RHBDF1: variants seen among roughly 807,000 people sequenced by gnomAD.
The protein encoded by RHBDF1 is inactive rhomboid protein 1.
A neutral mutation model predicts 98.6 loss-of-function variants in RHBDF1; 80 were observed. That is an observed-to-expected ratio of 0.81 (90% CI 0.68 to 0.98). The LOEUF (loss-of-function observed/expected upper bound fraction) is 0.98, where lower values mean the gene tolerates loss of function less well. Ranked by LOEUF, RHBDF1 falls within the 50% of genes least tolerant of loss-of-function variation. The pLI is 0.00. For synonymous variants in RHBDF1, 512 were observed against 486.8 expected (o/e 1.05, Z -0.68); for missense variants, 1,116 against 1,198.3 (o/e 0.93, Z 1.01).
chr16:59,538 G>A (rs1897525611), intron 14 of RHBDF1, 44 bp from the exon 15 acceptor site: 3 of 1,583,500 alleles, frequency 1.9e-6, no homozygotes, highest in South Asian at 1.1e-5. Context: ...CCTTGCAGAG[G>A]GGGATTGCTG....
chr16:60,456 G>T lies in RHBDF1; in HGVS notation c.1641C>A (p.Val547=). ...LAGHKRQFGS[V]CHQDPRVCDE... ...GGACTAACCTGGGATCCTGGTGGCA[G>T]ACAGAGCCAAACTGTCTCTTGTGGC... The change falls in exon 12 of 18, where the codon GTC becomes GTA. Residue 547 remains valine (V), a synonymous_variant. Transcript: ENST00000262316. The T allele has an allele frequency of 6.2e-7, 1 of 1,612,234 alleles. No homozygotes were observed.
Position 59,548 on chromosome 16 carries a change from G to A in RHBDF1, c.1818-54C>T, listed in dbSNP as rs911655327. The A allele has an allele frequency of 7.7e-6, 12 of 1,568,160 alleles. No homozygotes were observed. The African/African-American group carries it at 1.6e-4, about 21-fold the overall frequency. ...TGCTGCCTTGCAGAGGGGGATTGCT[G>A]GCATCCAGGGCGAGTTTCAGCCGCA... On this transcript the variant is annotated intron_variant, in intron 14 of 17. Transcript: ENST00000262316.
chr16:69,959 C>T (rs938125691), intron 1 of RHBDF1, among the ~76,000 whole-genome samples: 1 of 151,752 alleles, frequency 6.6e-6, no homozygotes, highest in African/African-American at 2.4e-5. Context: ...ACAGGAATCC[C>T]TGAGGACCTG....
At position 72,118 on chromosome 16, in the gene RHBDF1, G is replaced by C. The variant is rs1039138994; in HGVS notation, c.-25+395C>G. ...CGTGGCCGGGAAGGAAAATGCAGCG[G>C]GGGGAGTTCAGAGGAACCTGGGGCA... On this transcript the variant is annotated intron_variant, in intron 1 of 17. Transcript: ENST00000262316. Among the ~76,000 whole-genome samples the C allele has an allele frequency of 7.2e-5, 11 of 152,332 alleles. No individual in the cohort carries two copies. The South Asian group carries it at 2.1e-3, about 29-fold the overall frequency.
intron 13 of RHBDF1, 146 bp downstream of exon 13, chr16:60,070 A>G: frequency 2.0e-6 from 3 of 1,508,012 alleles, no homozygotes; most frequent in Non-Finnish European, 2.7e-6. Context: ...GTTGATGGAC[A>G]GGCTGTACAA....
At chr16:64,225 T>G in intron 3 of RHBDF1, 22 of 1,325,152 alleles carry the variant, frequency 1.7e-5, no homozygotes, top group Non-Finnish European at 2.2e-5. Context: ...TGCCAGCACC[T>G]GCCGTTAGGA....
upstream of RHBDF1, among the ~76,000 whole-genome samples, chr16:72,784 T>C (rs2562151): frequency 0.9 from 136,871 of 152,096 alleles, 61,820 homozygotes; most frequent in African/African-American, 0.97. Flanking sequence ...AGGGTCCGCC[T>C]GCGGGGACAC....
chr16:73,012 C>T (rs1317619907), upstream of RHBDF1, among the ~76,000 whole-genome samples: 1 of 152,162 alleles, frequency 6.6e-6, no homozygotes. Context: ...ACCCGACCTC[C>T]TCCAGAGGCC....
Position 63,624 on chromosome 16 carries a change from G to A in RHBDF1, c.425C>T (p.Pro142Leu). 1 of 1,589,274 alleles carries A rather than the reference G, an allele frequency of 6.3e-7. No individual in the cohort carries two copies. The highest frequency in any genetic ancestry group is 2.2e-5 in the East Asian group (1 of 44,608). The change falls in exon 4 of 18, where the codon CCA (proline) becomes CTA (leucine). Residue 142 changes from proline (P) to leucine (L), a missense_variant. By Grantham distance (98) the Pro-to-Leu change is moderately conservative (BLOSUM62 -3). Coordinates refer to ENST00000262316, the MANE Select transcript of RHBDF1 (RefSeq NM_022450.5). ...CAGCTGGCATGGCCCCACGTAGAGT[G>A]GGGGTGGCGTCTCGGTGCTGGTCAG... ...VSLTSTETPPPLYVGPCQLGM... is the reference protein window; with the variant it reads ...VSLTSTETPPLLYVGPCQLGM...
Position 60,517 on chromosome 16 carries a change from T to G in RHBDF1, c.1580A>C (p.Lys527Thr), listed in dbSNP as rs1261278652. The G allele has an allele frequency of 1.2e-6, 2 of 1,609,874 alleles. No homozygotes were observed. Among genetic ancestry groups the G allele is most frequent in the Admixed American group, 1.7e-5 (1 of 60,002 alleles). ...ECSSTLAVWVKWPIHPSAPEL... is the reference protein window; with the variant it reads ...ECSSTLAVWVTWPIHPSAPEL... ...TGGGGCGCTGGGATGGATGGGCCAC[T>G]TCACCCACACTGCCAGCGTGGACTG... The change falls in exon 12 of 18, where the codon AAG (lysine) becomes ACG (threonine). Residue 527 changes from lysine to threonine, a missense_variant. Physicochemically the swap from Lys to Thr is moderately conservative, Grantham distance 78. Coordinates refer to ENST00000262316, the MANE Select transcript of RHBDF1 (RefSeq NM_022450.5).
chr16:65,644 A>C (rs1453737058), intron 1 of RHBDF1, among the ~76,000 whole-genome samples: 1 of 152,040 alleles, frequency 6.6e-6, no homozygotes, highest in East Asian at 1.9e-4. Context: ...ACCAGGCCTC[A>C]CCCTCTTACC....
upstream of RHBDF1, among the ~76,000 whole-genome samples, chr16:73,342 G>C (rs927627453): frequency 6.6e-6 from 1 of 151,966 alleles, no homozygotes; most frequent in Non-Finnish European, 1.5e-5. Context: ...CAGGCACTCA[G>C]GCCAGGCTGC....
chr16:62,698 G>A lies in RHBDF1; in HGVS notation c.796-3C>T. On this transcript the variant is annotated splice_polypyrimidine_tract_variant and splice_region_variant and intron_variant, in intron 6 of 17. Coordinates refer to ENST00000262316, the MANE Select transcript of RHBDF1 (RefSeq NM_022450.5). ...AGCTCTTCATGGAGGATACCTTCCT[G>A]AGCAAACACATGAGGTCAGGGTGGA... 2 of 1,614,160 alleles carry A rather than the reference G, an allele frequency of 1.2e-6. No homozygotes were observed. The highest frequency in any genetic ancestry group is 1.7e-6 in the Non-Finnish European group (2 of 1,180,034).
intron 1 of RHBDF1, among the ~76,000 whole-genome samples, chr16:70,700 T>C (rs1897947657): frequency 6.6e-6 from 1 of 152,134 alleles, no homozygotes; most frequent in African/African-American, 2.4e-5. Context: ...CCAGGGCCTA[T>C]AAGGGAGCTC....
chr16:61,896 C>T lies in RHBDF1; in HGVS notation c.1110G>A (p.Pro370=). The change falls in exon 8 of 18, where the codon CCG becomes CCA. Residue 370 remains proline (P), a synonymous_variant. Coordinates refer to ENST00000262316, the MANE Select transcript of RHBDF1 (RefSeq NM_022450.5). Reference sequence around the variant, plus strand: ...GCCGTCCCACCATGCCCAGCCCATACGGCCGCTTCTCCCGGGCGAAGAGCT... The same window carrying T: ...GCCGTCCCACCATGCCCAGCCCATATGGCCGCTTCTCCCGGGCGAAGAGCT... ...VRKLFAREKR[P]YGLGMVGRLT... The T allele has an allele frequency of 1.9e-6, 3 of 1,606,964 alleles. No individual in the cohort carries two copies. Among genetic ancestry groups the T allele is most frequent in the South Asian group, 1.1e-5 (1 of 91,032 alleles).
At chr16:59,993 A>G in intron 13 of RHBDF1, 167 bp from the exon 14 acceptor site, 3 of 1,478,572 alleles carry the variant, frequency 2.0e-6, no homozygotes, top group Non-Finnish European at 2.7e-6. Context: ...AACTGGAATA[A>G]TGTCACTTGA....
Position 61,109 on chromosome 16 carries a change from G to A in RHBDF1, c.1557+11C>T. ...CAGACGAAGGCGGGAGTCCCGGGCG[G>A]GGAAACGCACCGAGCACTCCTCCTC... is the stretch of plus-strand genomic sequence containing the variant. On this transcript the variant is annotated intron_variant, in intron 11 of 17. Coordinates refer to ENST00000262316, the MANE Select transcript of RHBDF1 (RefSeq NM_022450.5). The A allele has an allele frequency of 1.3e-6, 2 of 1,520,126 alleles. No individual in the cohort carries two copies. The highest frequency in any genetic ancestry group is 1.8e-6 in the Non-Finnish European group (2 of 1,132,964). 94.2% of individuals were successfully genotyped at this position (1,520,126 alleles called of 1,614,324 possible). A position where few individuals can be genotyped will look rare whatever the true frequency, so the allele number is the denominator to read the frequency against.
chr16:70,122 C>T (rs1897933881), intron 1 of RHBDF1, among the ~76,000 whole-genome samples: 1 of 152,146 alleles, frequency 6.6e-6, no homozygotes, highest in Non-Finnish European at 1.5e-5. Flanking sequence ...CAGACACACC[C>T]AGGAATCAGG....
chr16:60,468 C>T lies in RHBDF1; in HGVS notation c.1629G>A (p.Gln543=), dbSNP rs756710848. 3 of 1,612,322 alleles carry T rather than the reference C, an allele frequency of 1.9e-6. No individual in the cohort carries two copies. The highest frequency in any genetic ancestry group is 4.5e-5 in the East Asian group (2 of 44,878). ...GATCCTGGTGGCAGACAGAGCCAAA[C>T]TGTCTCTTGTGGCCCGCAAGCTCTG... ...SAPELAGHKR[Q]FGSVCHQDPR... is the part of the protein sequence containing the mutation. Residue 543 remains glutamine (Q), a synonymous_variant, in exon 12 of 18, where the codon CAG becomes CAA. Transcript: ENST00000262316.
Sources: gnomAD v4.1 joint callset for allele counts (sites outside exome capture counted in the v4.1 genomes callset) on GRCh38, gnomAD v4.1.1 for gene constraint, MANE v1.5 for transcripts, NCBI Gene and HGNC (gene_info 2026-07-23, HGNC 2026-07-21) for gene names.